The following PDS5B variants were observed in gnomAD, a reference collection of about 807,000 sequenced individuals.
PDS5B encodes PDS5 cohesin associated factor B, also known as sister chromatid cohesion protein PDS5 homolog B.
In PDS5B, 51 loss-of-function variants were observed where a neutral mutation model predicts 184.1. The ratio of observed to expected loss-of-function variants is 0.28; its 90% CI spans 0.22 to 0.35. The LOEUF is 0.35. Ranked by LOEUF, PDS5B falls within the 10% of genes least tolerant of loss-of-function variation. The probability of loss-of-function intolerance (pLI) is 1.00; values close to 1 mark genes in which losing one functional copy is unlikely to be tolerated. For synonymous variants in PDS5B, 566 were observed against 569.2 expected, an observed-to-expected ratio of 0.99 and a Z score of 0.08; for missense variants, 1,180 against 1,723.3, an observed-to-expected ratio of 0.68 and a Z score of 5.58.
At chr13:32,716,819 G>T (rs1369131035) in intron 19 of PDS5B, among the ~76,000 whole-genome samples, 1 of 87,934 alleles carries the variant, frequency 1.1e-5, no homozygotes, top group Non-Finnish European at 3.1e-5. Context: ...TGCCCGGCCA[G>T]CCGCCCTGTC....
At chr13:32,647,050 AC>A (rs775060066) in intron 1 of PDS5B, among the ~76,000 whole-genome samples, 12 of 152,186 alleles carry the variant, frequency 7.9e-5, no homozygotes, top group African/African-American at 2.9e-4. Flanking sequence ...TTTAAATTTA[AC>A]CCTGTTTGGC....
chr13:32,770,190 G>A lies in PDS5B; in HGVS notation c.3694G>A (p.Asp1232Asn). ...VTEQEEKLGM[D>N]DLTKLVQEQK... ...AGAACAGGAGGAGAAATTAGGTATGGATGACTTGACTAAGTTGGTACAGGA... is the reference window on the plus strand; with the variant it reads ...AGAACAGGAGGAGAAATTAGGTATGAATGACTTGACTAAGTTGGTACAGGA... The change falls in exon 32 of 35, where the codon GAT becomes AAT. Residue 1232 changes from aspartate (D) to asparagine (N), a missense_variant. By Grantham distance (23) the Asp-to-Asn change is conservative. Transcript: ENST00000315596. The A allele has an allele frequency of 6.2e-7, 1 of 1,613,948 alleles. No individual in the cohort carries two copies. The highest frequency in any genetic ancestry group is 8.5e-7 in the Non-Finnish European group (1 of 1,179,976).
intron 1 of PDS5B, among the ~76,000 whole-genome samples, chr13:32,644,013 A>G (rs867052002): frequency 6.6e-6 from 1 of 152,104 alleles, no homozygotes; most frequent in South Asian, 2.1e-4. Context: ...TTCTTTTCCA[A>G]TATGTATGCT....
intron 18 of PDS5B, among the ~76,000 whole-genome samples, chr13:32,707,684 G>C: frequency 7.1e-6 from 1 of 141,108 alleles, no homozygotes; most frequent in African/African-American, 2.7e-5. Flanking sequence ...CACATTACTT[G>C]CCTCATTTCC....
chr13:32,645,592 A>T (rs1688704276), intron 1 of PDS5B, among the ~76,000 whole-genome samples: 1 of 152,174 alleles, frequency 6.6e-6, no homozygotes, highest in Non-Finnish European at 1.5e-5. Context: ...AATTTATAAG[A>T]TTGACCTGTG....
chr13:32,772,464 G>A (rs1954821864), intron 33 of PDS5B, among the ~76,000 whole-genome samples: 1 of 152,138 alleles, frequency 6.6e-6, no homozygotes, highest in South Asian at 2.1e-4. Flanking sequence ...AATAGTAGGG[G>A]CTAGACAGGC....
At position 32,741,067 on chromosome 13, in the gene PDS5B, C is replaced by CT; in HGVS notation, c.2407-13_2407-12insT. 8.1e-7 allele frequency: 1 copy of CT among 1,229,316 alleles called. No individual in the cohort carries two copies. Among genetic ancestry groups the CT allele is most frequent in the Non-Finnish European group, 1.1e-6 (1 of 896,458 alleles). The allele number at this position is 1,229,316 out of a possible 1,614,324, so 76.2% of individuals were successfully genotyped here. Reference sequence around the variant, plus strand: ...AAGTCCCTGGTTTTTTTTTTTTTCTCGTTTATTTTTAGCTTCCAGGGAAAA... The same window carrying CT: ...AAGTCCCTGGTTTTTTTTTTTTTCTCTGTTTATTTTTAGCTTCCAGGGAAAA... On this transcript the variant is annotated splice_polypyrimidine_tract_variant and intron_variant, in intron 21 of 34. Transcript: ENST00000315596.
At chr13:32,672,451 CAT>C (rs1467681220) in intron 7 of PDS5B, among the ~76,000 whole-genome samples, 5 of 152,028 alleles carry the variant, frequency 3.3e-5, no homozygotes, top group Non-Finnish European at 7.4e-5. Flanking sequence ...CACAGAGACA[CAT>C]GTATATGTAT....
At chr13:32,718,393 G>A (rs1421927623) in intron 19 of PDS5B, among the ~76,000 whole-genome samples, 4 of 152,132 alleles carry the variant, frequency 2.6e-5, no homozygotes, top group Non-Finnish European at 4.4e-5. Flanking sequence ...CTTGTGATCC[G>A]CCTGCCTCGG....
chr13:32,691,382 G>C (rs901144609), intron 13 of PDS5B: 20 of 151,856 alleles, frequency 1.3e-4, no homozygotes, highest in Admixed American at 2.6e-4. Flanking sequence ...ATTAATCCAT[G>C]ATCTTATTCC....
At chr13:32,647,734 T>C (rs1174444713) in intron 1 of PDS5B, among the ~76,000 whole-genome samples, 1 of 152,214 alleles carries the variant, frequency 6.6e-6, no homozygotes, top group African/African-American at 2.4e-5. Context: ...TTTGGAATTG[T>C]CTTTTATTTC....
chr13:32,768,851 C>T (rs1480219230), intron 31 of PDS5B, among the ~76,000 whole-genome samples: 1 of 142,076 alleles, frequency 7.0e-6, no homozygotes, highest in Admixed American at 7.3e-5. Flanking sequence ...CCTGTAATCC[C>T]AGCACTTTGG....
intron 19 of PDS5B, among the ~76,000 whole-genome samples, chr13:32,719,214 G>C (rs1477338740): frequency 2.0e-5 from 3 of 152,132 alleles, no homozygotes; most frequent in Non-Finnish European, 2.9e-5. Context: ...ATAGGGTCTT[G>C]CTCTGTTACC....
At chr13:32,694,149 T>G (rs1289206549) in intron 13 of PDS5B, 74 bp from the exon 14 acceptor site, 2 of 995,798 alleles carry the variant, frequency 2.0e-6, no homozygotes, top group Admixed American at 2.2e-5. Flanking sequence ...GAACCTTAAA[T>G]TATATAGTAG....
intron 30 of PDS5B, among the ~76,000 whole-genome samples, chr13:32,761,254 T>C (rs1954384998): frequency 6.6e-6 from 1 of 152,232 alleles, no homozygotes. Flanking sequence ...GGAGGTTATT[T>C]TATACTTTTT....
At position 32,699,879 on chromosome 13, in the gene PDS5B, GA is replaced by G; in HGVS notation, c.1740+14del. On this transcript the variant is annotated intron_variant, in intron 16 of 34. Coordinates refer to ENST00000315596, the MANE Select transcript of PDS5B (RefSeq NM_015032.4). ...GGCTGAAGGTTGTGTGGTAAGGAGA[GA>G]AAAGAGCTGATGTTTGAAAAAGCCC... 2 of 1,539,510 alleles carry G rather than the reference GA, an allele frequency of 1.3e-6. No homozygotes were observed. The highest frequency in any genetic ancestry group is 1.7e-6 in the Non-Finnish European group (2 of 1,153,362).
chr13:32,735,731 C>T (rs550696434), intron 21 of PDS5B, among the ~76,000 whole-genome samples: 18 of 151,978 alleles, frequency 1.2e-4, no homozygotes, highest in African/African-American at 3.1e-4. Context: ...TGGGAGAGAA[C>T]GAAAAAACAT....
chr13:32,746,288 C>T (rs1953740351), intron 24 of PDS5B, among the ~76,000 whole-genome samples, 188 bp downstream of exon 24: 2 of 152,158 alleles, frequency 1.3e-5, no homozygotes, highest in African/African-American at 4.8e-5. Flanking sequence ...TAACATAGTA[C>T]AGTTGATCTT....
Position 32,658,286 on chromosome 13 carries a change from A to G in PDS5B, c.360A>G (p.Thr120=), listed in dbSNP as rs202150736. ...GACAGTTGAAGGGGCTAGAGGATACAAAGAGCCCACAATTCAATAGGTATT... is the reference window on the plus strand; with the variant it reads ...GACAGTTGAAGGGGCTAGAGGATACGAAGAGCCCACAATTCAATAGGTATT... ...ITRQLKGLED[T]KSPQFNRYFY... is the part of the protein sequence containing the mutation. The change falls in exon 4 of 35, where the codon ACA becomes ACG. Residue 120 remains threonine (T), a synonymous_variant. Coordinates refer to ENST00000315596, the MANE Select transcript of PDS5B (RefSeq NM_015032.4). 27 of 1,530,022 alleles carry G rather than the reference A, an allele frequency of 1.8e-5. No homozygotes were observed. In the Middle Eastern group the frequency reaches 7.6e-4, roughly 43 times the overall value. The allele number at this position is 1,530,022 out of a possible 1,614,324, so 94.8% of individuals were successfully genotyped here. A position where few individuals can be genotyped will look rare whatever the true frequency, so the allele number is the denominator to read the frequency against.
Sources: allele counts gnomAD v4.1 joint callset (sites outside exome capture counted in the v4.1 genomes callset), GRCh38; gene constraint gnomAD v4.1.1; transcripts MANE v1.5; gene names NCBI Gene and HGNC (gene_info 2026-07-23, HGNC 2026-07-21).